The following CD109 variants were observed in gnomAD, a reference collection of about 807,000 sequenced individuals.
The protein encoded by CD109 is CD109 antigen.
A neutral mutation model predicts 165.8 loss-of-function variants in CD109; 149 were observed. That is an observed-to-expected ratio of 0.90 (90% CI 0.79 to 1.03). The LOEUF (loss-of-function observed/expected upper bound fraction) is 1.03, where lower values mean the gene tolerates loss of function less well. CD109 is among the 50% of genes least tolerant of loss of function. The pLI, the probability that CD109 is intolerant of heterozygous loss-of-function variation, is 0.00. For synonymous variants in CD109, 585 were observed against 592.1 expected, an observed-to-expected ratio of 0.99 and a Z score of 0.18; for missense variants, 1,712 against 1,677.8, an observed-to-expected ratio of 1.02 and a Z score of -0.36.
At chr6:73,680,695 T>C in the CD109 span, among the ~76,000 whole-genome samples, 1 of 152,180 alleles carries the variant, frequency 6.6e-6, no homozygotes, top group Admixed American at 6.5e-5. Flanking sequence ...GGTGGATTGA[T>C]GGGGAAGAGG....
chr6:73,716,482 C>T (rs1219090457), intron 2 of CD109, among the ~76,000 whole-genome samples: 10 of 152,066 alleles, frequency 6.6e-5, no homozygotes, highest in South Asian at 2.1e-4. Flanking sequence ...TTAACTGGGG[C>T]GAGATGATAT....
rs917614834 is a variant in CD109 at position 73,810,126 on chromosome 6, G to A, written c.3498G>A (p.Arg1166=). Reference sequence around the variant, plus strand: ...CTTCTGAGGGAATCCCAATTATGAGGTGGCTAAGCAGGCAAAGAAATAGCT... The same window carrying A: ...CTTCTGAGGGAATCCCAATTATGAGATGGCTAAGCAGGCAAAGAAATAGCT... The part of the protein sequence containing the change: ...FQTSEGIPIM[R]WLSRQRNSLG... The change falls in exon 27 of 33, where the codon AGG becomes AGA. Residue 1166 remains arginine, a synonymous_variant. Transcript: ENST00000287097. 1 of 1,606,028 alleles carries A rather than the reference G, an allele frequency of 6.2e-7. No homozygotes were observed. Among genetic ancestry groups the A allele is most frequent in the African/African-American group, 1.3e-5 (1 of 74,394 alleles).
At chr6:73,719,201 C>T (rs71555212) in intron 2 of CD109, among the ~76,000 whole-genome samples, 2 of 152,212 alleles carry the variant, frequency 1.3e-5, no homozygotes, top group East Asian at 3.9e-4. Flanking sequence ...TTTAGAGGCT[C>T]CTGTATGTGA....
rs375304291 is a variant in CD109 at position 73,708,267 on chromosome 6, C to T, written c.247+10695C>T. ...TGCGGTGTTTGGTTTTTTGTCCTTG[C>T]GATAGTTTGCTGAGAATGATGGTTT... On this transcript the variant is annotated intron_variant, in intron 2 of 32. Transcript: ENST00000287097. Among the ~76,000 whole-genome samples, 272 of 151,792 alleles carry T rather than the reference C, an allele frequency of 1.8e-3. 2 individuals are homozygous for T. The highest frequency in any genetic ancestry group is 5.7e-3 in the African/African-American group (234 of 41,350).
chr6:73,827,326 A>G lies in CD109; in HGVS notation c.*3693A>G, dbSNP rs1403157390. 1 of 151,742 alleles carries G rather than the reference A, an allele frequency of 6.6e-6. No individual in the cohort carries two copies. The highest frequency in any genetic ancestry group is 2.4e-5 in the African/African-American group (1 of 41,286). 9.4% of individuals were successfully genotyped at this position (151,742 alleles called of 1,614,324 possible). ...TTATAGTAAGTGGACTCATTCATAGATGAGTTTCAGAACCTTTTACGTTCT... is the reference window on the plus strand; with the variant it reads ...TTATAGTAAGTGGACTCATTCATAGGTGAGTTTCAGAACCTTTTACGTTCT... On this transcript the variant is annotated 3_prime_UTR_variant, in exon 33 of 33. Coordinates refer to ENST00000287097, the MANE Select transcript of CD109 (RefSeq NM_133493.5).
chr6:73,762,484 A>G lies in CD109; in HGVS notation c.855+4A>G, dbSNP rs1457580819. The G allele has an allele frequency of 6.5e-7, 1 of 1,531,966 alleles. No homozygotes were observed. The highest frequency in any genetic ancestry group is 9.0e-7 in the Non-Finnish European group (1 of 1,106,696). The allele number at this position is 1,531,966 out of a possible 1,614,324, so 94.9% of individuals were successfully genotyped here. A position where few individuals can be genotyped will look rare whatever the true frequency, so the allele number is the denominator to read the frequency against. On this transcript the variant is annotated splice_donor_region_variant and intron_variant, in intron 8 of 32. Coordinates refer to ENST00000287097, the MANE Select transcript of CD109 (RefSeq NM_133493.5). ...AAATATTACAAAAACATTTAAGGTA[A>G]CTTTTGCAGACACTTTATAACTTGT...
At chr6:73,773,369 ATAT>A in intron 15 of CD109, among the ~76,000 whole-genome samples, 1 of 151,860 alleles carries the variant, frequency 6.6e-6, no homozygotes, top group Non-Finnish European at 1.5e-5. Context: ...TTTAAATAGC[ATAT>A]TATTATATTT....
At position 73,811,152 on chromosome 6, in the gene CD109, G is replaced by A. The variant is rs759449049; in HGVS notation, c.3702+5G>A. On this transcript the variant is annotated splice_donor_5th_base_variant and intron_variant, in intron 28 of 32. Transcript: ENST00000287097. Reference sequence around the variant, plus strand: ...TTACTCCTTCAGACAGCAGAGGTGTGGGCAAGGGGCAGTTATTTAAAAATC... The same window carrying A: ...TTACTCCTTCAGACAGCAGAGGTGTAGGCAAGGGGCAGTTATTTAAAAATC... The A allele has an allele frequency of 3.7e-6, 6 of 1,608,990 alleles. No homozygotes were observed. Among genetic ancestry groups the A allele is most frequent in the Non-Finnish European group, 5.1e-6 (6 of 1,178,224 alleles).
intron 11 of CD109, 66 bp downstream of exon 11, chr6:73,766,220 G>C: frequency 7.9e-7 from 1 of 1,264,250 alleles, no homozygotes; most frequent in Non-Finnish European, 1.1e-6. Flanking sequence ...CTTGTGGTAG[G>C]CACTCAACCT....
chr6:73,761,383 A>G (rs967614850), intron 7 of CD109, among the ~76,000 whole-genome samples: 8 of 152,182 alleles, frequency 5.3e-5, no homozygotes, highest in Non-Finnish European at 1.0e-4. Flanking sequence ...GTCACTTCCA[A>G]TTATGATCAG....
chr6:73,811,869 G>C (rs892170158), intron 28 of CD109, among the ~76,000 whole-genome samples: 4 of 152,164 alleles, frequency 2.6e-5, no homozygotes, highest in African/African-American at 9.7e-5. Context: ...AGAGCCAGGG[G>C]ATTAGGCCCT....
intron 5 of CD109, among the ~76,000 whole-genome samples, chr6:73,746,081 A>G (rs1192643150): frequency 1.3e-5 from 2 of 152,236 alleles, no homozygotes; most frequent in Non-Finnish European, 2.9e-5. Flanking sequence ...ATTCACAGAA[A>G]GTTGCGAAGA....
chr6:73,747,432 G>C (rs1773022173), intron 5 of CD109, among the ~76,000 whole-genome samples: 1 of 151,950 alleles, frequency 6.6e-6, no homozygotes, highest in South Asian at 2.1e-4. Flanking sequence ...CTTCTTCTTG[G>C]TCACTTTCGT....
chr6:73,733,995 T>C (rs1386343180), intron 4 of CD109, among the ~76,000 whole-genome samples: 4 of 152,192 alleles, frequency 2.6e-5, no homozygotes, highest in Non-Finnish European at 4.4e-5. Flanking sequence ...ATCTCTGGCC[T>C]GCAGCTTTTC....
chr6:73,694,591 T>G (rs1158863896), upstream of CD109: 1 of 152,284 alleles, frequency 6.6e-6, no homozygotes, highest in South Asian at 2.1e-4. Flanking sequence ...TTAATTGCCT[T>G]TGCTCATCAA....
chr6:73,725,288 A>G (rs572542057), intron 3 of CD109, among the ~76,000 whole-genome samples: 30 of 152,292 alleles, frequency 2.0e-4, no homozygotes, highest in African/African-American at 7.0e-4. Flanking sequence ...TATTTGCCCT[A>G]TAGCAGAAGG....
chr6:73,762,363 A>T lies in CD109; in HGVS notation c.759-21A>T, dbSNP rs767865919. 23 of 1,414,880 alleles carry T rather than the reference A, an allele frequency of 1.6e-5. No individual in the cohort carries two copies. In the South Asian group the frequency reaches 2.6e-4, roughly 16 times the overall value. The allele number at this position is 1,414,880 out of a possible 1,614,324, so 87.6% of individuals were successfully genotyped here. The stretch of plus-strand genomic sequence containing the variant: ...CAATATCAAGTTGATACATAAAAAG[A>T]CTATGTTTATAATTATTCAGGTATA... On this transcript the variant is annotated intron_variant, in intron 7 of 32. Coordinates refer to ENST00000287097, the MANE Select transcript of CD109 (RefSeq NM_133493.5).
intron 13 of CD109, 142 bp from the exon 14 acceptor site, chr6:73,767,913 A>T: frequency 1.5e-6 from 1 of 684,528 alleles, no homozygotes; most frequent in African/African-American, 1.8e-5. Context: ...TTTGTCAGAG[A>T]GGTTTTCCTG....
At chr6:73,738,586 A>G (rs761958798) in intron 5 of CD109, among the ~76,000 whole-genome samples, 1 of 152,234 alleles carries the variant, frequency 6.6e-6, no homozygotes, top group East Asian at 1.9e-4. Flanking sequence ...TGAAAGATTT[A>G]TAGGATTTAT....
Sources: allele counts gnomAD v4.1 joint callset (sites outside exome capture counted in the v4.1 genomes callset), GRCh38; gene constraint gnomAD v4.1.1; transcripts MANE v1.5; gene names NCBI Gene and HGNC (gene_info 2026-07-23, HGNC 2026-07-21).